OR2C1: variants seen among roughly 807,000 people sequenced by gnomAD.
The protein encoded by OR2C1 is olfactory receptor family 2 subfamily C member 1.
For missense variants in OR2C1, 468 were observed against 388.3 expected, an observed-to-expected ratio of 1.21 and a Z score of -1.73; for synonymous variants, 209 against 167.3, an observed-to-expected ratio of 1.25 and a Z score of -1.92.
the OR2C1 span, among the ~76,000 whole-genome samples, chr16:3,329,250 T>G: frequency 1.4e-5 from 2 of 144,702 alleles, no homozygotes; most frequent in Non-Finnish European, 3.0e-5. Context: ...AATGGAAACA[T>G]TCTGCCTGCA....
chr16:3,330,765 C>T, the OR2C1 span, among the ~76,000 whole-genome samples: 1 of 151,956 alleles, frequency 6.6e-6, no homozygotes, highest in African/African-American at 2.4e-5. Flanking sequence ...TTTTTAGAGA[C>T]AGAGTCTTAT....
chr16:3,332,314 T>G, the OR2C1 span, among the ~76,000 whole-genome samples: 1 of 152,224 alleles, frequency 6.6e-6, no homozygotes, highest in Non-Finnish European at 1.5e-5. Context: ...CAGGATGGTC[T>G]TGAATTCCTG....
chr16:3,333,006 G>T, the OR2C1 span, among the ~76,000 whole-genome samples: 86 of 151,998 alleles, frequency 5.7e-4, no homozygotes, highest in African/African-American at 1.9e-3. Context: ...CAGCGTACAA[G>T]GGTTCACCTT....
At chr16:3,345,390 G>C in the OR2C1 span, among the ~76,000 whole-genome samples, 1 of 151,916 alleles carries the variant, frequency 6.6e-6, no homozygotes, top group Non-Finnish European at 1.5e-5. Flanking sequence ...GGAGGCTGAG[G>C]CAGGAGAATG....
chr16:3,355,457 CA>C (rs56022625), upstream of OR2C1, among the ~76,000 whole-genome samples: 43 of 45,496 alleles, frequency 9.5e-4, 1 homozygote, highest in Admixed American at 1.5e-3. Context: ...GACTCTGTCT[CA>C]AAAAAAAAAA....
chr16:3,351,220 C>CTTTTTTTTTTTTTTTT (rs779814781), upstream of OR2C1, among the ~76,000 whole-genome samples: 5 of 18,648 alleles, frequency 2.7e-4, 1 homozygote, highest in African/African-American at 8.3e-4. Context: ...TTTTCTTTTT[C>CTTTTTTTTTTTTTTTT]TTTTTCTTTT....
chr16:3,329,290 G>A, the OR2C1 span, among the ~76,000 whole-genome samples: 9 of 150,106 alleles, frequency 6.0e-5, no homozygotes, highest in African/African-American at 2.2e-4. Context: ...CAGAAGGAGA[G>A]AAAAATAAAC....
At chr16:3,328,453 G>A in the OR2C1 span, among the ~76,000 whole-genome samples, 12 of 152,180 alleles carry the variant, frequency 7.9e-5, no homozygotes, top group Admixed American at 7.9e-4. Flanking sequence ...TATGTACGCT[G>A]TGTGCTCATT....
chr16:3,343,898 CAA>C, the OR2C1 span, among the ~76,000 whole-genome samples: 1 of 152,110 alleles, frequency 6.6e-6, no homozygotes, highest in Non-Finnish European at 1.5e-5. Flanking sequence ...CTATAACTGG[CAA>C]AGTTTATCTC....
the OR2C1 span, among the ~76,000 whole-genome samples, chr16:3,338,694 C>T: frequency 1.3e-5 from 2 of 151,896 alleles, no homozygotes; most frequent in South Asian, 2.1e-4. Flanking sequence ...CCCGCCAGCA[C>T]GCCTGGCTAA....
At chr16:3,331,345 C>G in the OR2C1 span, among the ~76,000 whole-genome samples, 2 of 151,380 alleles carry the variant, frequency 1.3e-5, no homozygotes, top group African/African-American at 4.8e-5. Flanking sequence ...GTTGCCTGTT[C>G]ACTCTGATGG....
At chr16:3,336,642 C>A in the OR2C1 span, among the ~76,000 whole-genome samples, 1 of 142,538 alleles carries the variant, frequency 7.0e-6, no homozygotes, top group African/African-American at 2.6e-5. Flanking sequence ...ATTACAGGTG[C>A]GAGCTACCAC....
the OR2C1 span, chr16:3,323,677 A>T: frequency 1.3e-4 from 91 of 688,128 alleles, 2 homozygotes; most frequent in South Asian, 1.4e-3. Context: ...AGGAATGTTT[A>T]TCTGGCAATT....
chr16:3,329,656 A>G, the OR2C1 span, among the ~76,000 whole-genome samples: 20 of 150,518 alleles, frequency 1.3e-4, 1 homozygote, highest in Admixed American at 5.3e-4. Flanking sequence ...TCACTGTGTT[A>G]GCCAGGATGG....
the OR2C1 span, among the ~76,000 whole-genome samples, chr16:3,325,408 C>G: frequency 6.7e-6 from 1 of 149,618 alleles, no homozygotes; most frequent in East Asian, 2.0e-4. Flanking sequence ...TATGAGCCAT[C>G]ACACCTGGCC....
chr16:3,346,081 G>T, the OR2C1 span, among the ~76,000 whole-genome samples: 1 of 152,056 alleles, frequency 6.6e-6, no homozygotes, highest in African/African-American at 2.4e-5. Flanking sequence ...TAGTCCTCCT[G>T]CCTTGGCCTC....
the OR2C1 span, among the ~76,000 whole-genome samples, chr16:3,337,619 T>C: frequency 6.6e-6 from 1 of 152,210 alleles, no homozygotes; most frequent in Admixed American, 6.5e-5. Flanking sequence ...GTCTTTTTGT[T>C]ATATTTCTCA....
the OR2C1 span, among the ~76,000 whole-genome samples, chr16:3,330,194 C>T: frequency 6.8e-4 from 102 of 151,012 alleles, 1 homozygote; most frequent in African/African-American, 2.5e-3. Flanking sequence ...GCAAGCTCTG[C>T]CTTCCAGGTT....
chr16:3,336,007 G>A, the OR2C1 span, among the ~76,000 whole-genome samples: 4 of 152,146 alleles, frequency 2.6e-5, no homozygotes, highest in African/African-American at 9.7e-5. Context: ...GATCTTAGAG[G>A]AAAGGCTTTC....
Sources: gnomAD v4.1 joint callset for allele counts (sites outside exome capture counted in the v4.1 genomes callset) on GRCh38, gnomAD v4.1.1 for gene constraint, MANE v1.5 for transcripts, NCBI Gene and HGNC (gene_info 2026-07-23, HGNC 2026-07-21) for gene names.